ZER1: variants seen among roughly 807,000 people sequenced by gnomAD.
ZER1 encodes protein zer-1 homolog.
In ZER1, 11 loss-of-function variants were observed where a neutral mutation model predicts 78.8. The observed-to-expected ratio is 0.14, with a 90% CI of 0.09 to 0.23. The LOEUF (loss-of-function observed/expected upper bound fraction) is 0.23. ZER1 is among the 10% of genes least tolerant of loss of function. The pLI is 1.00. For synonymous variants in ZER1, 400 were observed against 407.0 expected (o/e 0.98, Z 0.21); for missense variants, 588 against 996.9 (o/e 0.59, Z 5.52).
intron 1 of ZER1, among the ~76,000 whole-genome samples, chr9:128,758,910 CCTTG>C (rs1863949881): frequency 6.6e-6 from 1 of 152,082 alleles, no homozygotes; most frequent in South Asian, 2.1e-4. Context: ...CTTCTAGTCT[CCTTG>C]ATCAGAGTAC....
At chr9:128,771,022 A>G (rs917545398) in intron 1 of ZER1, among the ~76,000 whole-genome samples, 14 of 152,162 alleles carry the variant, frequency 9.2e-5, no homozygotes, top group African/African-American at 3.1e-4. Flanking sequence ...GAAAAACAAA[A>G]CAAAACAAAA....
chr9:128,767,502 TC>T (rs896766274), intron 1 of ZER1, among the ~76,000 whole-genome samples: 1 of 151,972 alleles, frequency 6.6e-6, no homozygotes, highest in African/African-American at 2.4e-5. Flanking sequence ...CACCTCAGCC[TC>T]CCAAAGTGCT....
chr9:128,741,977 T>A, intron 9 of ZER1, 136 bp from the exon 10 acceptor site: 1 of 1,178,322 alleles, frequency 8.5e-7, no homozygotes, highest in Non-Finnish European at 1.2e-6. Context: ...TCCCTATATT[T>A]GGGGGAGGCT....
intron 1 of ZER1, among the ~76,000 whole-genome samples, chr9:128,761,257 C>A (rs867912985): frequency 1.3e-4 from 20 of 151,968 alleles, no homozygotes; most frequent in East Asian, 1.9e-4. Flanking sequence ...CCCAGCCCAA[C>A]AGACTAAGTA....
Position 128,753,935 on chromosome 9 carries a change from G to A in ZER1, c.183C>T (p.Ala61=). The change falls in exon 3 of 16, where the codon GCC becomes GCT. Residue 61 remains alanine (A), a synonymous_variant. Coordinates refer to ENST00000291900, the MANE Select transcript of ZER1 (RefSeq NM_006336.4). The surrounding 1 kb of genome is among the most constrained non-coding windows in gnomAD (Gnocchi z 7.5). ...VNEYVELVNA[A]CNFEPHESFF... is the part of the protein sequence containing the mutation. ...AGCTCTCGTGTGGCTCGAAGTTACA[G>A]GCAGCGTTCACCAGCTCCACATACC... 2 of 1,590,220 alleles carry A rather than the reference G, an allele frequency of 1.3e-6. No individual in the cohort carries two copies. Among genetic ancestry groups the A allele is most frequent in the Non-Finnish European group, 1.7e-6 (2 of 1,169,076 alleles).
At chr9:128,756,273 CTG>C (rs1189942546) in intron 1 of ZER1, among the ~76,000 whole-genome samples, 2 of 152,192 alleles carry the variant, frequency 1.3e-5, no homozygotes, top group African/African-American at 4.8e-5. Context: ...CGGTGAAACC[CTG>C]TCTCTACTAA....
At chr9:128,758,744 C>T (rs1863943646) in intron 1 of ZER1, among the ~76,000 whole-genome samples, 1 of 151,800 alleles carries the variant, frequency 6.6e-6, no homozygotes, top group Non-Finnish European at 1.5e-5. Flanking sequence ...CTGGCCAACC[C>T]TTACTGCATT....
rs762293760 is a variant in ZER1 at position 128,731,370 on chromosome 9, G to A, written c.2268C>T (p.Asn756=). The part of the protein sequence containing the change: ...MARKVIEHCS[N]FKEENMDTSR ...ACGTGTCCATGTTCTCCTCTTTAAAGTTACTGCAGTGCTCAATCACCTTGC... is the reference window on the plus strand; with the variant it reads ...ACGTGTCCATGTTCTCCTCTTTAAAATTACTGCAGTGCTCAATCACCTTGC... Residue 756 remains asparagine, a synonymous_variant, in exon 16 of 16, where the codon AAC becomes AAT. Coordinates refer to ENST00000291900, the MANE Select transcript of ZER1 (RefSeq NM_006336.4). The A allele has an allele frequency of 2.8e-6, 4 of 1,439,386 alleles. No homozygotes were observed. The highest frequency in any genetic ancestry group is 1.9e-5 in the Admixed American group (1 of 53,074). The allele number at this position is 1,439,386 out of a possible 1,614,324, so 89.2% of individuals were successfully genotyped here.
At chr9:128,760,757 C>T (rs1864015372) in intron 1 of ZER1, among the ~76,000 whole-genome samples, 1 of 151,452 alleles carries the variant, frequency 6.6e-6, no homozygotes, top group Non-Finnish European at 1.5e-5. Context: ...TGCGCCACTG[C>T]ACTCCAGCCT....
rs1323453521 is a variant in ZER1, at chr9:128,751,104, C to T, written c.1185+18G>A. Reference sequence around the variant, plus strand: ...GTGGGGAGGGACAGGAGGCCAAGGCCCCAGGCTTGGAGCTGACCTTCAGGG... The same window carrying T: ...GTGGGGAGGGACAGGAGGCCAAGGCTCCAGGCTTGGAGCTGACCTTCAGGG... On this transcript the variant is annotated intron_variant, in intron 7 of 15. Transcript: ENST00000291900. This position sits in a 1 kb window ranked among gnomAD's most constrained non-coding sequence, Gnocchi z 5.4. 2 of 1,571,982 alleles carry T rather than the reference C, an allele frequency of 1.3e-6. No homozygotes were observed. The highest frequency in any genetic ancestry group is 1.2e-5 in the South Asian group (1 of 86,398).
Position 128,752,858 on chromosome 9 carries a change from TG to T in ZER1, c.747-10del. ...GGGAGATGTCCAGGTGTCTGAAGAT[TG>T]GGGTAGGGGGTGCAGGTTAGGAGCT... is the stretch of plus-strand genomic sequence containing the variant. On this transcript the variant is annotated splice_polypyrimidine_tract_variant and intron_variant, in intron 4 of 15. Coordinates refer to ENST00000291900, the MANE Select transcript of ZER1 (RefSeq NM_006336.4). The T allele has an allele frequency of 6.2e-7, 1 of 1,611,942 alleles. No individual in the cohort carries two copies. The highest frequency in any genetic ancestry group is 1.3e-5 in the African/African-American group (1 of 74,996).
chr9:128,769,541 G>C (rs1379943729), intron 1 of ZER1, among the ~76,000 whole-genome samples: 1 of 151,830 alleles, frequency 6.6e-6, no homozygotes, highest in Non-Finnish European at 1.5e-5. Context: ...AGCCTCTCCA[G>C]TAGCTGAGAT....
intron 14 of ZER1, 124 bp downstream of exon 14, chr9:128,735,210 T>TCTG: frequency 1.1e-6 from 1 of 870,098 alleles, no homozygotes; most frequent in Non-Finnish European, 1.7e-6. Flanking sequence ...AGTGGAGGGT[T>TCTG]CTGCTCTGAG....
At chr9:128,752,376 G>A (rs1246598282) in intron 5 of ZER1, among the ~76,000 whole-genome samples, 1 of 151,552 alleles carries the variant, frequency 6.6e-6, no homozygotes, top group Non-Finnish European at 1.5e-5. Flanking sequence ...CTAGGCTGGA[G>A]TGCAGTGGCG....
rs1862782562 is a variant in ZER1, at chr9:128,730,622, G to T, written c.*715C>A. 6.5e-6 allele frequency: 1 copy of T among 152,772 alleles called. No individual in the cohort carries two copies. The highest frequency in any genetic ancestry group is 1.5e-5 in the Non-Finnish European group (1 of 68,156). The allele number at this position is 152,772 out of a possible 1,614,324, so 9.5% of individuals were successfully genotyped here. On this transcript the variant is annotated 3_prime_UTR_variant, in exon 16 of 16. Transcript: ENST00000291900. ...GCTTTCCACAGCCTGGGACCTGGTG[G>T]GAGACTAGGAGGCAGCCTCCATAGC...
chr9:128,763,809 G>A (rs1446421438), intron 1 of ZER1, among the ~76,000 whole-genome samples: 1 of 152,174 alleles, frequency 6.6e-6, no homozygotes, highest in Non-Finnish European at 1.5e-5. Context: ...CCAACATGGT[G>A]AAACTCCGTC....
rs145779191 is a variant in ZER1, at chr9:128,738,722, C to T, written c.2042+1209G>A. On this transcript the variant is annotated intron_variant, in intron 13 of 15. Transcript: ENST00000291900. ...TTAAAGAAATGGTCTCATTCTGTCC[C>T]CTAGGCTGGAGTGCAGTAGCATGAT... 6.1e-4 allele frequency among the ~76,000 whole-genome samples: 92 copies of T among 151,922 alleles called. 1 individual carries two copies. The highest frequency in any genetic ancestry group is 7.2e-4 in the Non-Finnish European group (49 of 67,968).
At chr9:128,739,103 G>A (rs1268894547) in intron 13 of ZER1, among the ~76,000 whole-genome samples, 1 of 151,878 alleles carries the variant, frequency 6.6e-6, no homozygotes, top group African/African-American at 2.4e-5. Context: ...GCCCGCCTCA[G>A]CCTCCTAAAG....
At chr9:128,762,560 G>A (rs987003812) in intron 1 of ZER1, among the ~76,000 whole-genome samples, 1 of 152,182 alleles carries the variant, frequency 6.6e-6, no homozygotes, top group Non-Finnish European at 1.5e-5. Flanking sequence ...TCCCCAGCAC[G>A]GTGTGAAGAT....
Sources: gnomAD v4.1 joint callset for allele counts (sites outside exome capture counted in the v4.1 genomes callset) on GRCh38, gnomAD v4.1.1 for gene constraint, Gnocchi (gnomAD v3.1) non-coding constraint, MANE v1.5 for transcripts, NCBI Gene and HGNC (gene_info 2026-07-23, HGNC 2026-07-21) for gene names.